Variants in IL1RAP observed in about 807,000 individuals in gnomAD.
IL1RAP encodes the protein interleukin 1 receptor accessory protein, also known as interleukin-1 receptor accessory protein.
A neutral mutation model predicts 60.7 loss-of-function variants in IL1RAP; 35 were observed. The ratio of observed to expected loss-of-function variants is 0.58; its 90% CI spans 0.44 to 0.76. The LOEUF is 0.76. Among genes scored for constraint, IL1RAP ranks in the 30% least tolerant of loss-of-function variants. IL1RAP has a pLI of 0.00. For synonymous variants in IL1RAP, 268 were observed against 250.9 expected (o/e 1.07, Z -0.64); for missense variants, 572 against 693.9 (o/e 0.82, Z 1.97).
chr3:190,587,630 G>GT (rs1728578053), intron 3 of IL1RAP, among the ~76,000 whole-genome samples: 1 of 152,254 alleles, frequency 6.6e-6, no homozygotes, highest in African/African-American at 2.4e-5. Context: ...TATATTCAAA[G>GT]AAAGGATCAG....
At chr3:190,566,272 C>T (rs1726389488) in intron 3 of IL1RAP, among the ~76,000 whole-genome samples, 1 of 152,122 alleles carries the variant, frequency 6.6e-6, no homozygotes, top group African/African-American at 2.4e-5. Flanking sequence ...TGCCCCCAGA[C>T]TGTCCAGTTT....
chr3:190,517,202 A>T (rs920619258), intron 1 of IL1RAP, among the ~76,000 whole-genome samples: 1 of 152,212 alleles, frequency 6.6e-6, no homozygotes, highest in African/African-American at 2.4e-5. Flanking sequence ...CCTGTGTTGG[A>T]TGTAATACAC....
chr3:190,544,045 G>A (rs1009397774), intron 1 of IL1RAP, among the ~76,000 whole-genome samples: 2 of 152,128 alleles, frequency 1.3e-5, no homozygotes, highest in African/African-American at 2.4e-5. Flanking sequence ...ACATTTGCAT[G>A]CAAAAACTCT....
chr3:190,647,402 T>C (rs1734090796), intron 11 of IL1RAP, among the ~76,000 whole-genome samples: 1 of 152,198 alleles, frequency 6.6e-6, no homozygotes, highest in Non-Finnish European at 1.5e-5. Flanking sequence ...GAAACACAGG[T>C]AAAGGACTAT....
chr3:190,599,849 A>AC (rs776332681), intron 3 of IL1RAP, among the ~76,000 whole-genome samples: 1 of 14,910 alleles, frequency 6.7e-5, no homozygotes, highest in African/African-American at 1.0e-4. Flanking sequence ...TTTAACATCT[A>AC]AAAAAAAATC....
intron 3 of IL1RAP, 148 bp from the exon 4 acceptor site, chr3:190,603,980 G>C (rs776093152): frequency 1.4e-6 from 1 of 699,678 alleles, no homozygotes; most frequent in African/African-American, 1.8e-5. Context: ...GGTGCCTACT[G>C]TATGCAATTA....
chr3:190,630,128 C>A, intron 9 of IL1RAP: 1 of 777,250 alleles, frequency 1.3e-6, no homozygotes, highest in Non-Finnish European at 1.6e-6. Flanking sequence ...AATATTTAAG[C>A]AGGTTTATAA....
At chr3:190,595,452 G>C (rs1242768721) in intron 3 of IL1RAP, among the ~76,000 whole-genome samples, 4 of 152,112 alleles carry the variant, frequency 2.6e-5, no homozygotes, top group Non-Finnish European at 5.9e-5. Flanking sequence ...ATTTAATGTT[G>C]CTAGCCAACT....
chr3:190,543,846 T>C (rs1415074879), intron 1 of IL1RAP, among the ~76,000 whole-genome samples: 1 of 152,174 alleles, frequency 6.6e-6, no homozygotes, highest in Non-Finnish European at 1.5e-5. Context: ...GAAGTAGCAC[T>C]AGGATATGAT....
exon 12 of IL1RAP, chr3:190,656,842 T>C: frequency 2.4e-6 from 1 of 415,688 alleles, no homozygotes; most frequent in Non-Finnish European, 4.2e-6. Context: ...AGAAGGTCAG[T>C]ATGTGAAAGT....
chr3:190,514,408 C>G (rs1315880029), intron 1 of IL1RAP, among the ~76,000 whole-genome samples, 189 bp downstream of exon 1: 2 of 152,198 alleles, frequency 1.3e-5, no homozygotes, highest in Non-Finnish European at 2.9e-5. Context: ...CGAACCCAAA[C>G]GTTCAGAGAC....
chr3:190,518,570 G>C (rs976646351), intron 1 of IL1RAP: 4 of 152,222 alleles, frequency 2.6e-5, no homozygotes, highest in African/African-American at 9.7e-5. Flanking sequence ...TCATGCTGCT[G>C]ATAAAGACAG....
At position 190,658,414 on chromosome 3, in the gene IL1RAP, T is replaced by C. The variant is rs561487749; in HGVS notation, c.*1807T>C. On this transcript the variant is annotated 3_prime_UTR_variant, in exon 12 of 12. Transcript: ENST00000317757. ...GGAGCATGTTTATCCTCTCCTCAAA[T>C]TGAAGACATCTGGGCTGTTACAATT... The C allele has an allele frequency of 2.6e-5, 4 of 152,320 alleles. No homozygotes were observed. The South Asian group carries it at 6.2e-4, about 24-fold the overall frequency. The allele number at this position is 152,320 out of a possible 1,614,324, so 9.4% of individuals were successfully genotyped here.
intron 3 of IL1RAP, among the ~76,000 whole-genome samples, chr3:190,581,119 T>C (rs1413820791): frequency 6.6e-6 from 1 of 152,158 alleles, no homozygotes; most frequent in Admixed American, 6.5e-5. Context: ...GTGTAACAAA[T>C]ATAAATCTCA....
At chr3:190,630,725 C>G (rs1348161213) in intron 9 of IL1RAP, among the ~76,000 whole-genome samples, 1 of 152,178 alleles carries the variant, frequency 6.6e-6, no homozygotes, top group East Asian at 1.9e-4. Flanking sequence ...ATTGAGTTCT[C>G]GGGAACACTA....
intron 6 of IL1RAP, among the ~76,000 whole-genome samples, 157 bp from the exon 7 acceptor site, chr3:190,623,187 T>TC (rs1169376419): frequency 6.6e-6 from 1 of 152,216 alleles, no homozygotes; most frequent in Non-Finnish European, 1.5e-5. Context: ...TTTAAATGAC[T>TC]GAAGTGCAGT....
At chr3:190,581,303 G>T (rs1398644773) in intron 3 of IL1RAP, among the ~76,000 whole-genome samples, 2 of 152,188 alleles carry the variant, frequency 1.3e-5, no homozygotes, top group East Asian at 3.8e-4. Flanking sequence ...ACCCCACAGA[G>T]CTGTTTTGGA....
intron 1 of IL1RAP, among the ~76,000 whole-genome samples, chr3:190,514,525 C>T (rs1721326655): frequency 6.6e-6 from 1 of 151,898 alleles, no homozygotes; most frequent in African/African-American, 2.4e-5. Context: ...TCCTCCTCAC[C>T]GCCCCCTCCC....
intron 3 of IL1RAP, among the ~76,000 whole-genome samples, chr3:190,600,400 C>T (rs1387253705): frequency 6.6e-6 from 1 of 152,138 alleles, no homozygotes; most frequent in East Asian, 1.9e-4. Context: ...AGCTGTCATT[C>T]TGTCTTCTTT....
Sources: allele counts gnomAD v4.1 joint callset (sites outside exome capture counted in the v4.1 genomes callset), GRCh38; gene constraint gnomAD v4.1.1; transcripts MANE v1.5; gene names NCBI Gene and HGNC (gene_info 2026-07-23, HGNC 2026-07-21).